The following DICER1 variants were observed in gnomAD, a reference collection of about 807,000 sequenced individuals.
DICER1 encodes the protein endoribonuclease Dicer.
A neutral mutation model predicts 194.1 loss-of-function variants in DICER1; 43 were observed. That is an observed-to-expected ratio of 0.22 (90% CI 0.17 to 0.29). The LOEUF (loss-of-function observed/expected upper bound fraction) is 0.29. Ranked by LOEUF, DICER1 falls within the 10% of genes least tolerant of loss-of-function variation. The pLI, the probability that DICER1 is intolerant of heterozygous loss-of-function variation, is 1.00. For missense variants in DICER1, 1,608 were observed against 2,317.0 expected (o/e 0.69, Z 6.28); for synonymous variants, 832 against 820.5 (o/e 1.01, Z -0.24).
At chr14:95,133,598 T>C in intron 1 of DICER1, 95 bp from the exon 2 acceptor site, 2 of 951,582 alleles carry the variant, frequency 2.1e-6, no homozygotes, top group South Asian at 2.9e-5. Flanking sequence ...ATCATTCCTA[T>C]GAGCCATTCA....
At chr14:95,144,681 T>A (rs138878193) in intron 1 of DICER1, among the ~76,000 whole-genome samples, 1 of 152,192 alleles carries the variant, frequency 6.6e-6, no homozygotes. Flanking sequence ...TAGAAGATTT[T>A]ATACAGAATT....
intron 23 of DICER1, among the ~76,000 whole-genome samples, chr14:95,094,749 T>G (rs932269600): frequency 1.1e-4 from 16 of 151,914 alleles, no homozygotes; most frequent in African/African-American, 3.9e-4. Context: ...GAAAGAAGAG[T>G]TGTGAAAGGG....
chr14:95,101,196 C>T (rs751766663), intron 21 of DICER1, among the ~76,000 whole-genome samples: 1 of 152,132 alleles, frequency 6.6e-6, no homozygotes, highest in African/African-American at 2.4e-5. Flanking sequence ...GGGGTCTGAG[C>T]GTGGAGTCTG....
chr14:95,103,225 T>A, intron 21 of DICER1, 121 bp downstream of exon 21: 1 of 1,125,420 alleles, frequency 8.9e-7, no homozygotes, highest in Admixed American at 1.7e-5. Flanking sequence ...CAGCTGTGCT[T>A]GGCCGGTGTA....
intron 1 of DICER1, among the ~76,000 whole-genome samples, chr14:95,152,036 C>A (rs1161531950): frequency 6.6e-6 from 1 of 152,154 alleles, no homozygotes; most frequent in Non-Finnish European, 1.5e-5. Flanking sequence ...GGTTTGTTTT[C>A]TTAAAATTCT....
At chr14:95,133,223 G>T in intron 2 of DICER1, 92 bp downstream of exon 2, 1 of 1,361,766 alleles carries the variant, frequency 7.3e-7, no homozygotes, top group Non-Finnish European at 1.0e-6. Flanking sequence ...GGCCTGAAAG[G>T]GTAAATGAGT....
chr14:95,143,841 T>A (rs1894966728), intron 1 of DICER1, among the ~76,000 whole-genome samples: 1 of 152,204 alleles, frequency 6.6e-6, no homozygotes, highest in Non-Finnish European at 1.5e-5. Flanking sequence ...ATTTTTTAAA[T>A]ATAGCCCAAA....
At chr14:95,097,946 A>G (rs750780569) in intron 22 of DICER1, among the ~76,000 whole-genome samples, 3 of 152,214 alleles carry the variant, frequency 2.0e-5, no homozygotes, top group Non-Finnish European at 4.4e-5. Flanking sequence ...TAGACTTTCC[A>G]AGGCAACATG....
chr14:95,135,973 T>C (rs1399802511), intron 1 of DICER1, among the ~76,000 whole-genome samples: 1 of 152,210 alleles, frequency 6.6e-6, no homozygotes, highest in Non-Finnish European at 1.5e-5. Context: ...ACTGTGGCTA[T>C]GTAAGACAAT....
chr14:95,101,197 G>A (rs1009149121), intron 21 of DICER1, among the ~76,000 whole-genome samples: 4 of 152,200 alleles, frequency 2.6e-5, no homozygotes, highest in African/African-American at 9.6e-5. Context: ...GGGTCTGAGC[G>A]TGGAGTCTGT....
At chr14:95,097,467 C>T (rs559532621) in intron 22 of DICER1, among the ~76,000 whole-genome samples, 2 of 152,272 alleles carry the variant, frequency 1.3e-5, no homozygotes, top group African/African-American at 4.8e-5. Context: ...ACATGAAACA[C>T]AACAATCCAA....
rs1595466704 is a variant in DICER1, at chr14:95,132,668, G to C, written c.154C>G (p.Leu52Val). 1 of 1,613,824 alleles carries C rather than the reference G, an allele frequency of 6.2e-7. No individual in the cohort carries two copies. The highest frequency in any genetic ancestry group is 1.7e-5 in the Admixed American group (1 of 60,006). Residue 52 changes from leucine (L) to valine (V), a missense_variant, in exon 3 of 27, where the codon CTT (leucine) becomes GTT (valine). Coordinates refer to ENST00000343455, the MANE Select transcript of DICER1 (RefSeq NM_177438.3). The part of the protein sequence containing the change: ...YTPRKYQVEL[L>V]EAALDHNTIV... ...GTATTATGATCCAGAGCTGCTTCAA[G>C]CAGTTCAACCTAGAAACATGGTGAA...
intron 21 of DICER1, among the ~76,000 whole-genome samples, chr14:95,100,731 T>A (rs1890802971): frequency 6.6e-6 from 1 of 152,180 alleles, no homozygotes; most frequent in Admixed American, 6.5e-5. Context: ...GGTTCCTTAT[T>A]ATTAAGTACT....
chr14:95,134,504 C>T (rs568332084), intron 1 of DICER1: 1 of 152,282 alleles, frequency 6.6e-6, no homozygotes, highest in South Asian at 2.1e-4. Flanking sequence ...CTCTATGAAA[C>T]TGGAAGAGAT....
intron 1 of DICER1, among the ~76,000 whole-genome samples, 179 bp downstream of exon 1, chr14:95,157,051 C>A (rs1895935507): frequency 6.6e-6 from 1 of 151,748 alleles, no homozygotes; most frequent in Non-Finnish European, 1.5e-5. Flanking sequence ...GGTCCACAGG[C>A]CGCGCTGTGC....
intron 1 of DICER1, 138 bp from the exon 2 acceptor site, chr14:95,133,641 G>A: frequency 3.0e-6 from 2 of 677,438 alleles, no homozygotes; most frequent in Non-Finnish European, 5.0e-6. Context: ...GCTTTTTCTT[G>A]ATCTAAGAGG....
At chr14:95,137,190 A>G (rs537107096) in intron 1 of DICER1, among the ~76,000 whole-genome samples, 17 of 145,448 alleles carry the variant, frequency 1.2e-4, no homozygotes, top group Admixed American at 6.1e-4. Context: ...AAGGAGAAGG[A>G]AAAGGGGAAG....
At chr14:95,100,047 T>C in intron 21 of DICER1, 112 bp from the exon 22 acceptor site, 2 of 1,162,042 alleles carry the variant, frequency 1.7e-6, no homozygotes, top group Non-Finnish European at 2.5e-6. Flanking sequence ...CAATTAATTA[T>C]ATGTCATCAA....
At chr14:95,127,712 G>C (rs1357671868) in intron 6 of DICER1, among the ~76,000 whole-genome samples, 1 of 152,218 alleles carries the variant, frequency 6.6e-6, no homozygotes, top group East Asian at 1.9e-4. Context: ...TTTCAGATTA[G>C]GGTTGCTCAA....
Sources: gnomAD v4.1 joint callset for allele counts (sites outside exome capture counted in the v4.1 genomes callset) on GRCh38, gnomAD v4.1.1 for gene constraint, MANE v1.5 for transcripts, NCBI Gene and HGNC (gene_info 2026-07-23, HGNC 2026-07-21) for gene names.